Variants in FGF14 observed in about 807,000 individuals in gnomAD.
FGF14 encodes fibroblast growth factor 14, also known as fibroblast growth factor homologous factor 4.
Under a neutral mutation model 25.5 loss-of-function variants are expected in FGF14, and 5 were observed. The ratio of observed to expected loss-of-function variants is 0.20; its 90% confidence interval spans 0.10 to 0.41. The LOEUF (loss-of-function observed/expected upper bound fraction) is 0.41. Among genes scored for constraint, FGF14 ranks in the 10% least tolerant of loss-of-function variants. The pLI, the probability that FGF14 is intolerant of heterozygous loss-of-function variation, is 1.00. For synonymous variants in FGF14, 138 were observed against 118.3 expected, an observed-to-expected ratio of 1.17 and a Z score of -1.08; for missense variants, 222 against 320.1, an observed-to-expected ratio of 0.69 and a Z score of 2.34.
At chr13:101,777,415 T>C (rs944162109) in intron 3 of FGF14, among the ~76,000 whole-genome samples, 10 of 152,124 alleles carry the variant, frequency 6.6e-5, no homozygotes, top group Non-Finnish European at 1.5e-4. Flanking sequence ...GGTAATATCA[T>C]AATTTGCAAA....
intron 1 of FGF14, among the ~76,000 whole-genome samples, chr13:102,191,831 G>T (rs1566800200): frequency 6.6e-6 from 1 of 152,064 alleles, no homozygotes; most frequent in African/African-American, 2.4e-5. Flanking sequence ...AACCATACAA[G>T]TTATGTGCTT....
In FGF14 at chr13:101,719,455, A is replaced by T. The variant is rs2034845416; in HGVS notation, c.*3376T>A. On this transcript the variant is annotated 3_prime_UTR_variant, in exon 5 of 5. Coordinates refer to ENST00000376143, the MANE Select transcript of FGF14 (RefSeq NM_004115.4). The stretch of plus-strand genomic sequence containing the variant: ...AGCAAGAATCTCCAAATTCTTCAGG[A>T]TTTGTAATGAAATGATGTTCAGTTC... 1 of 152,066 alleles carries T rather than the reference A, an allele frequency of 6.6e-6. No individual in the cohort carries two copies. The highest frequency in any genetic ancestry group is 1.5e-5 in the Non-Finnish European group (1 of 67,992). The allele number at this position is 152,066 out of a possible 1,614,324, so 9.4% of individuals were successfully genotyped here. A position where few individuals can be genotyped will look rare whatever the true frequency, so the allele number is the denominator to read the frequency against.
At chr13:101,976,978 AT>A (rs1223282206) in intron 1 of FGF14, among the ~76,000 whole-genome samples, 2 of 152,198 alleles carry the variant, frequency 1.3e-5, no homozygotes, top group East Asian at 3.9e-4. Context: ...ATATCATTAC[AT>A]TCCATATATA....
Position 101,715,566 on chromosome 13 carries a change from A to G in FGF14, c.*7265T>C. The stretch of plus-strand genomic sequence containing the variant: ...ACCTATATGTATTTTATTGCAGGGA[A>G]TGGAATATGTAGCTGTGGAAACTGT... On this transcript the variant is annotated 3_prime_UTR_variant, in exon 5 of 5. Transcript: ENST00000376143. 1 of 1,606,952 alleles carries G rather than the reference A, an allele frequency of 6.2e-7. No homozygotes were observed. The highest frequency in any genetic ancestry group is 1.1e-5 in the South Asian group (1 of 90,938).
chr13:101,787,661 T>A (rs2039925258), intron 3 of FGF14, among the ~76,000 whole-genome samples: 1 of 152,172 alleles, frequency 6.6e-6, no homozygotes, highest in Non-Finnish European at 1.5e-5. Flanking sequence ...GCAAGCATCC[T>A]GTCTTCTTTT....
At chr13:102,251,812 T>A (rs1361705086) in intron 1 of FGF14, among the ~76,000 whole-genome samples, 5 of 152,158 alleles carry the variant, frequency 3.3e-5, no homozygotes, top group African/African-American at 1.2e-4. Flanking sequence ...ACCAAATCTC[T>A]CCTTCCACCA....
chr13:102,156,846 A>G (rs1323292748), intron 1 of FGF14, among the ~76,000 whole-genome samples: 1 of 152,214 alleles, frequency 6.6e-6, no homozygotes, highest in Non-Finnish European at 1.5e-5. Context: ...CAAAAATCAC[A>G]AGCATTCTTA....
chr13:101,858,055 T>C (rs753102186), intron 3 of FGF14, among the ~76,000 whole-genome samples: 6 of 151,924 alleles, frequency 3.9e-5, no homozygotes, highest in Non-Finnish European at 5.9e-5. Context: ...CTAAAATAAA[T>C]TATTTTTCTT....
chr13:101,813,814 A>G lies in FGF14; in HGVS notation c.408+54911T>C, dbSNP rs192473083. Among the ~76,000 whole-genome samples, 671 of 152,304 alleles carry G rather than the reference A, an allele frequency of 4.4e-3. 3 individuals carry two copies. The highest frequency in any genetic ancestry group is 5.2e-3 in the Non-Finnish European group (352 of 68,026). On this transcript the variant is annotated intron_variant, in intron 3 of 4. Coordinates refer to ENST00000376143, the MANE Select transcript of FGF14 (RefSeq NM_004115.4). ...TGTAGGTAAACTCCTTCTTCAGAACACTCTGTTCGCAGAGATACTTGTTCC... is the reference window on the plus strand; with the variant it reads ...TGTAGGTAAACTCCTTCTTCAGAACGCTCTGTTCGCAGAGATACTTGTTCC...
At chr13:102,398,011 A>G (rs1278125782) in intron 1 of FGF14, among the ~76,000 whole-genome samples, 1 of 70,246 alleles carries the variant, frequency 1.4e-5, no homozygotes, top group African/African-American at 6.1e-5. Context: ...AGGACATTTA[A>G]GAGTGTGTGT....
chr13:102,161,574 A>AG (rs370346594), intron 1 of FGF14, among the ~76,000 whole-genome samples: 4 of 5,310 alleles, frequency 7.5e-4, no homozygotes, highest in Non-Finnish European at 1.3e-3. Context: ...GTGAAGAAAG[A>AG]AAGAAGAAGA....
chr13:101,970,861 C>T lies in FGF14; in HGVS notation c.209-95565G>A, dbSNP rs376309386. 3.3e-4 allele frequency among the ~76,000 whole-genome samples: 51 copies of T among 152,268 alleles called. No individual in the cohort carries two copies. In the East Asian group the frequency reaches 5.4e-3, roughly 16 times the overall value. On this transcript the variant is annotated intron_variant, in intron 1 of 4. Coordinates refer to the FGF14 transcript ENST00000376131. ...GTTCATAGTGCATTCACTCTACCAA[C>T]CCTCCCATAGCCTGTCACCACCACC...
At chr13:101,817,877 G>A (rs544134867) in intron 3 of FGF14, among the ~76,000 whole-genome samples, 2 of 152,306 alleles carry the variant, frequency 1.3e-5, no homozygotes, top group African/African-American at 4.8e-5. Flanking sequence ...GTATGGTTCT[G>A]ATGATGAAAA....
chr13:102,369,808 T>C (rs2057822515), intron 1 of FGF14, among the ~76,000 whole-genome samples: 1 of 152,200 alleles, frequency 6.6e-6, no homozygotes, highest in Non-Finnish European at 1.5e-5. Context: ...GTGTTGTATA[T>C]AAGGTGATAC....
At chr13:101,762,537 A>G (rs1317226838) in intron 3 of FGF14, among the ~76,000 whole-genome samples, 1 of 152,244 alleles carries the variant, frequency 6.6e-6, no homozygotes, top group African/African-American at 2.4e-5. Context: ...TAGGTAATAC[A>G]TATAAATATA....
At chr13:101,808,818 A>G (rs2041342275) in intron 3 of FGF14, among the ~76,000 whole-genome samples, 2 of 152,142 alleles carry the variant, frequency 1.3e-5, no homozygotes, top group African/African-American at 4.8e-5. Flanking sequence ...AATATCTGTA[A>G]ATTATGTTAC....
intron 3 of FGF14, among the ~76,000 whole-genome samples, chr13:101,816,139 G>A (rs1417828405): frequency 1.3e-5 from 2 of 151,282 alleles, no homozygotes; most frequent in South Asian, 2.1e-4. Flanking sequence ...GCGTGTTGGC[G>A]GGCGCCTGTA....
chr13:102,369,814 G>A (rs1024379195), intron 1 of FGF14, among the ~76,000 whole-genome samples: 1 of 152,252 alleles, frequency 6.6e-6, no homozygotes, highest in East Asian at 1.9e-4. Flanking sequence ...TATATAAGGT[G>A]ATACATTTCT....
chr13:102,161,599 A>G (rs1242414550), intron 1 of FGF14, among the ~76,000 whole-genome samples: 154 of 5,082 alleles, frequency 0.03, 2 homozygotes, highest in South Asian at 0.049. Context: ...GAAGAAGAAG[A>G]AGAAGAAGAA....
Sources: gnomAD v4.1 joint callset for allele counts (sites outside exome capture counted in the v4.1 genomes callset) on GRCh38, gnomAD v4.1.1 for gene constraint, MANE v1.5 for transcripts, NCBI Gene and HGNC (gene_info 2026-07-23, HGNC 2026-07-21) for gene names.